Variants in NBPF12 observed in about 807,000 individuals in gnomAD.
NBPF12 encodes NBPF member 12.
NBPF12 carries 115 observed loss-of-function variants against 146.4 expected under a neutral mutation model. That is an observed-to-expected ratio of 0.79 (90% CI 0.68 to 0.92). NBPF12 has a LOEUF of 0.92. Ranked by LOEUF, NBPF12 falls within the 40% of genes least tolerant of loss-of-function variation. The pLI is 0.00. For synonymous variants in NBPF12, 385 were observed against 508.9 expected (o/e 0.76, Z 3.28); for missense variants, 1,205 against 1,326.8 (o/e 0.91, Z 1.43).
chr1:146,969,207 A>G (rs1169084554), intron 10 of NBPF12, among the ~76,000 whole-genome samples, 175 bp from the exon 14 acceptor site: 17 of 151,422 alleles, frequency 1.1e-4, no homozygotes, highest in Non-Finnish European at 2.2e-4. Context: ...ATACAGAGGA[A>G]GCCTGTAAAC....
intron 6 of NBPF12, 47 bp from the exon 10 acceptor site, chr1:146,964,310 C>T (rs1656052416): frequency 8.8e-6 from 14 of 1,597,994 alleles, no homozygotes; most frequent in Middle Eastern, 2.2e-4. Context: ...ACTGTGCTTG[C>T]AGAATGTGAA....
chr1:146,969,934 T>G (rs1553886136), intron 11 of NBPF12, among the ~76,000 whole-genome samples: 16 of 150,980 alleles, frequency 1.1e-4, no homozygotes, highest in South Asian at 2.1e-4. Flanking sequence ...TTCCCAGGCT[T>G]CTTTTTGGCA....
At chr1:146,961,883 A>T (rs1655873418) in intron 4 of NBPF12, among the ~76,000 whole-genome samples, 1 of 152,100 alleles carries the variant, frequency 6.6e-6, no homozygotes, top group East Asian at 1.9e-4. Context: ...GTCAGACCTC[A>T]GGGGCTGTGA....
upstream of NBPF12, among the ~76,000 whole-genome samples, chr1:146,944,591 C>T (rs1457327006): frequency 1.3e-5 from 2 of 151,302 alleles, no homozygotes; most frequent in Non-Finnish European, 2.9e-5. Context: ...AAAGACAAGA[C>T]TCAGTGTCTC....
chr1:146,966,677 A>G lies in NBPF12; in HGVS notation c.988+4A>G, dbSNP rs1167999338. On this transcript the variant is annotated splice_donor_region_variant and intron_variant, in intron 9 of 33. Coordinates refer to ENST00000617844, the Ensembl canonical transcript of NBPF12. Reference sequence around the variant, plus strand: ...GCCAAGCAGCAGAACAAATACAGTAAGATCTACAGGCTCACCATCACGAAA... The same window carrying G: ...GCCAAGCAGCAGAACAAATACAGTAGGATCTACAGGCTCACCATCACGAAA... 7.7e-7 allele frequency: 1 copy of G among 1,302,654 alleles called. No homozygotes were observed. The highest frequency in any genetic ancestry group is 1.7e-5 in the Admixed American group (1 of 59,658). 80.7% of individuals were successfully genotyped at this position (1,302,654 alleles called of 1,614,324 possible).
intron 6 of NBPF12, among the ~76,000 whole-genome samples, chr1:146,963,669 T>C (rs1656009269): frequency 1.3e-5 from 2 of 151,886 alleles, no homozygotes; most frequent in Non-Finnish European, 2.9e-5. Flanking sequence ...ATGTTCTTAG[T>C]GTCGGTGAGT....
chr1:146,994,943 C>T, exon 34 of NBPF12: 1 of 358,870 alleles, frequency 2.8e-6, no homozygotes, highest in South Asian at 2.7e-5. Flanking sequence ...TTAGTTCATC[C>T]AAAGGTGTTA....
exon 34 of NBPF12, chr1:146,995,846 T>C (rs1658508220): frequency 6.7e-6 from 1 of 150,182 alleles, no homozygotes; most frequent in African/African-American, 2.5e-5. Flanking sequence ...AAAGCGGTTT[T>C]CAAGAGTATA....
At chr1:146,981,515 T>G (rs1406263841) in intron 19 of NBPF12, among the ~76,000 whole-genome samples, 11 of 151,562 alleles carry the variant, frequency 7.3e-5, no homozygotes, top group Non-Finnish European at 1.2e-4. Flanking sequence ...CCTTGGTGAA[T>G]CTGACAATTA....
intron 27 of NBPF12, among the ~76,000 whole-genome samples, chr1:146,989,158 C>A (rs1657982470): frequency 9.1e-6 from 1 of 109,460 alleles, no homozygotes; most frequent in Admixed American, 1.1e-4. Flanking sequence ...GTTGACCATA[C>A]TTCAAAAGCT....
At chr1:146,979,947 C>G (rs1657263387) in intron 19 of NBPF12, among the ~76,000 whole-genome samples, 1 of 105,346 alleles carries the variant, frequency 9.5e-6, no homozygotes, top group Non-Finnish European at 1.9e-5. Context: ...TGTGTGGAGT[C>G]TAAATCTCTT....
chr1:146,949,073 C>T (rs1164078529), upstream of NBPF12, among the ~76,000 whole-genome samples: 3 of 152,132 alleles, frequency 2.0e-5, no homozygotes, highest in Admixed American at 6.5e-5. Context: ...CCTGCCACAT[C>T]CCCCTCTCCG....
chr1:146,965,659 G>T (rs1553885530), intron 8 of NBPF12, among the ~76,000 whole-genome samples: 26 of 149,692 alleles, frequency 1.7e-4, no homozygotes, highest in African/African-American at 5.2e-4. Flanking sequence ...GGGCGCGGTG[G>T]TGGGCACCTG....
intron 19 of NBPF12, among the ~76,000 whole-genome samples, chr1:146,981,357 A>G (rs1320218978): frequency 1.3e-5 from 2 of 148,540 alleles, no homozygotes; most frequent in African/African-American, 2.5e-5. Context: ...TACATATGGA[A>G]AAAAAAAGAA....
At chr1:146,964,578 C>T (rs1553885282) in intron 7 of NBPF12, 149 bp downstream of exon 10, 186,449 of 1,299,822 alleles carry the variant, frequency 0.14, 14,841 homozygotes, top group Admixed American at 0.34. Context: ...ACACAGGGTG[C>T]GACAGCTGTC....
chr1:146,943,789 G>T (rs1654903379), intron 2 of NBPF12, among the ~76,000 whole-genome samples: 1 of 151,692 alleles, frequency 6.6e-6, no homozygotes, highest in Non-Finnish European at 1.5e-5. Context: ...TACTTCAGGA[G>T]AGGACATGTT....
chr1:146,984,063 G>T, intron 20 of NBPF12, 71 bp from the exon 24 acceptor site: 1 of 680,488 alleles, frequency 1.5e-6, no homozygotes, highest in Non-Finnish European at 2.5e-6. Flanking sequence ...GTTAGGATTG[G>T]ACAGAGGAAT....
At chr1:146,947,799 C>T (rs1171048437), upstream of NBPF12, among the ~76,000 whole-genome samples, 2 of 151,370 alleles carry the variant, frequency 1.3e-5, no homozygotes, top group Non-Finnish European at 2.9e-5. Flanking sequence ...GAAGAGATTG[C>T]ATTCTAGGGA....
intron 11 of NBPF12, among the ~76,000 whole-genome samples, chr1:146,970,180 A>G (rs1235998328): frequency 1.3e-5 from 2 of 150,656 alleles, no homozygotes; most frequent in Non-Finnish European, 2.9e-5. Flanking sequence ...CTCCCCATGG[A>G]TAGAATGTCC....
Sources: allele counts gnomAD v4.1 joint callset (sites outside exome capture counted in the v4.1 genomes callset), GRCh38; gene constraint gnomAD v4.1.1; transcripts MANE v1.5; gene names NCBI Gene and HGNC (gene_info 2026-07-23, HGNC 2026-07-21).